The following TNPO2 variants were observed in gnomAD, a reference collection of about 807,000 sequenced individuals.
The protein encoded by TNPO2 is transportin-2.
A neutral mutation model predicts 111.1 loss-of-function variants in TNPO2; 16 were observed. The ratio of observed to expected loss-of-function variants is 0.14; its 90% CI spans 0.10 to 0.22. The LOEUF is 0.22. Among genes scored for constraint, TNPO2 ranks in the 10% least tolerant of loss-of-function variants. The probability of loss-of-function intolerance (pLI) is 1.00; values close to 1 mark genes in which losing one functional copy is unlikely to be tolerated. For missense variants in TNPO2, 530 were observed against 1,173.7 expected (o/e 0.45, Z 8.01); for synonymous variants, 481 against 475.8 (o/e 1.01, Z -0.14).
intron 3 of TNPO2, among the ~76,000 whole-genome samples, chr19:12,720,026 A>G (rs137894170): frequency 0.027 from 3,997 of 149,356 alleles, 174 homozygotes; most frequent in African/African-American, 0.093. Flanking sequence ...ATATTTATTT[A>G]TTTATTTTCA....
chr19:12,706,462 T>G lies in TNPO2; in HGVS notation c.1497-95A>C, dbSNP rs1469284990. On this transcript the variant is annotated intron_variant, in intron 14 of 25. Coordinates refer to ENST00000425528, the MANE Select transcript of TNPO2 (RefSeq NM_001382241.1). The surrounding 1 kb of genome is among the most constrained non-coding windows in gnomAD (Gnocchi z 7.0). ...GGGAGGGCAACTCAGGATCAGCCAG[T>G]ACGAATACGCGATAAATCAGTTCCA... is the stretch of plus-strand genomic sequence containing the variant. 1 of 1,576,178 alleles carries G rather than the reference T, an allele frequency of 6.3e-7. No homozygotes were observed. Among genetic ancestry groups the G allele is most frequent in the South Asian group, 1.1e-5 (1 of 90,208 alleles).
Position 12,715,690 on chromosome 19 carries a change from G to C in TNPO2, c.375C>G (p.Pro125=), listed in dbSNP as rs373012056. 5.5e-5 allele frequency: 89 copies of C among 1,613,382 alleles called. No homozygotes were observed. Among genetic ancestry groups the C allele is most frequent in the Non-Finnish European group, 7.0e-5 (82 of 1,179,772 alleles). The change falls in exon 6 of 26, where the codon CCC becomes CCG. Residue 125 remains proline, a synonymous_variant. Coordinates refer to ENST00000425528, the MANE Select transcript of TNPO2 (RefSeq NM_001382241.1). This position sits in a 1 kb window ranked among gnomAD's most constrained non-coding sequence, Gnocchi z 7.1. ...GGTTGCAGAGCTGGGGCAGCAGCTC[G>C]GGCCACATCTGCAGCTCACCCTTGG... ...IASKGELQMW[P]ELLPQLCNLL... is the part of the protein sequence containing the mutation.
Position 12,702,889 on chromosome 19 carries a change from C to T in TNPO2, c.2239G>A (p.Val747Ile). The change falls in exon 21 of 26, where the codon GTC (valine) becomes ATC (isoleucine). Residue 747 changes from valine to isoleucine, a missense_variant. This residue lies in a region of TNPO2 where 183 missense variants were observed against 481.0 expected (regional missense o/e 0.38). Coordinates refer to ENST00000425528, the MANE Select transcript of TNPO2 (RefSeq NM_001382241.1). The surrounding 1 kb of genome is among the most constrained non-coding windows in gnomAD (Gnocchi z 5.5). ...ATGATTTCCACCAGGTTGTTGAGGA[C>T]CATCTGCACATAAGGCTGCATCTCT... Reference protein sequence around the residue: ...GAEMQPYVQMVLNNLVEIINR... With the variant: ...GAEMQPYVQMILNNLVEIINR... The T allele has an allele frequency of 6.2e-7, 1 of 1,613,906 alleles. No homozygotes were observed. The highest frequency in any genetic ancestry group is 8.5e-7 in the Non-Finnish European group (1 of 1,179,818).
chr19:12,708,839 C>G (rs1237414386), intron 13 of TNPO2, among the ~76,000 whole-genome samples: 1 of 151,814 alleles, frequency 6.6e-6, no homozygotes, highest in Non-Finnish European at 1.5e-5. Context: ...CCATTGCACT[C>G]CAGCCTGGAC....
Position 12,711,401 on chromosome 19 carries a change from G to A in TNPO2, c.1012C>T (p.His338Tyr). The A allele has an allele frequency of 1.2e-6, 2 of 1,613,990 alleles. No homozygotes were observed. The highest frequency in any genetic ancestry group is 1.7e-6 in the Non-Finnish European group (2 of 1,179,894). ...DSEQDIKPRF[H>Y]KSRTVTLPHE... ...GGCAGTGTGACCGTGCGTGACTTGTGGAAGCGTGGCTTGATGTCCTGCTCA... is the reference window on the plus strand; with the variant it reads ...GGCAGTGTGACCGTGCGTGACTTGTAGAAGCGTGGCTTGATGTCCTGCTCA... The change falls in exon 12 of 26, where the codon CAC (histidine) becomes TAC (tyrosine). Residue 338 changes from histidine to tyrosine, a missense_variant. Physicochemically the swap from His to Tyr is moderately conservative, Grantham distance 83. Around this residue, in one of 4 missense-constraint regions of TNPO2, gnomAD observed 88 missense variants for 130.2 expected, o/e 0.68. Transcript: ENST00000425528.
intron 13 of TNPO2, among the ~76,000 whole-genome samples, chr19:12,707,172 T>C (rs914735841): frequency 1.3e-5 from 2 of 151,966 alleles, no homozygotes; most frequent in African/African-American, 4.8e-5. Context: ...GAATTTTTTA[T>C]ATTTTCAGTA....
rs201030914 is a variant in TNPO2 at position 12,706,524 on chromosome 19, T to C, written c.1496+46A>G. 3 of 1,599,686 alleles carry C rather than the reference T, an allele frequency of 1.9e-6. No homozygotes were observed. The South Asian group carries it at 3.3e-5, about 18-fold the overall frequency. On this transcript the variant is annotated intron_variant, in intron 14 of 25. Coordinates refer to ENST00000425528, the MANE Select transcript of TNPO2 (RefSeq NM_001382241.1). The surrounding 1 kb of genome is among the most constrained non-coding windows in gnomAD (Gnocchi z 7.0). ...ACAGGTGTCATCACTTCCCAGAGGGTGGCCGGGGGAGAGTGGGGGCTGTGG... is the reference window on the plus strand; with the variant it reads ...ACAGGTGTCATCACTTCCCAGAGGGCGGCCGGGGGAGAGTGGGGGCTGTGG...
chr19:12,704,417 C>T (rs905661718), intron 18 of TNPO2, among the ~76,000 whole-genome samples: 4 of 152,074 alleles, frequency 2.6e-5, no homozygotes, highest in Non-Finnish European at 4.4e-5. Context: ...TGCATATGCA[C>T]CTATGCACAT....
intron 3 of TNPO2, among the ~76,000 whole-genome samples, chr19:12,720,087 G>A (rs1340803088): frequency 6.6e-6 from 1 of 151,868 alleles, no homozygotes; most frequent in Non-Finnish European, 1.5e-5. Flanking sequence ...CACGATCTCC[G>A]CTCACTGCAA....
intron 13 of TNPO2, 69 bp downstream of exon 13, chr19:12,710,552 G>A: frequency 2.6e-6 from 4 of 1,546,770 alleles, no homozygotes; most frequent in South Asian, 1.2e-5. Context: ...AGGCATTGGT[G>A]TGGCTAGTAA....
chr19:12,706,055 G>A lies in TNPO2; in HGVS notation c.1668+141C>T, dbSNP rs1327447874. ...TTTCTCCCCCACTAGACTGGGAGCAGGGCGAGGGCGGGGCCGGGTCTGTCT... is the reference window on the plus strand; with the variant it reads ...TTTCTCCCCCACTAGACTGGGAGCAAGGCGAGGGCGGGGCCGGGTCTGTCT... On this transcript the variant is annotated intron_variant, in intron 15 of 25. Coordinates refer to ENST00000425528, the MANE Select transcript of TNPO2 (RefSeq NM_001382241.1). The surrounding 1 kb of genome is among the most constrained non-coding windows in gnomAD (Gnocchi z 7.0). The A allele has an allele frequency of 1.1e-6, 1 of 931,390 alleles. No homozygotes were observed. Among genetic ancestry groups the A allele is most frequent in the East Asian group, 2.6e-5 (1 of 37,868 alleles). The allele number at this position is 931,390 out of a possible 1,614,324, so 57.7% of individuals were successfully genotyped here. A position where few individuals can be genotyped will look rare whatever the true frequency, so the allele number is the denominator to read the frequency against.
chr19:12,720,775 A>G, intron 3 of TNPO2, 104 bp downstream of exon 3: 1 of 1,415,686 alleles, frequency 7.1e-7, no homozygotes, highest in Non-Finnish European at 9.3e-7. Context: ...ACAGCAGAAA[A>G]AATCTGGGGA....
rs1380651828 is a variant in TNPO2 at position 12,702,568 on chromosome 19, A to T, written c.2305+255T>A. On this transcript the variant is annotated intron_variant, in intron 21 of 25. Transcript: ENST00000425528. This position sits in a 1 kb window ranked among gnomAD's most constrained non-coding sequence, Gnocchi z 5.5. Reference sequence around the variant, plus strand: ...TTTTTAGTAGAGATGGGGTTTCACCATGTTGGCCAGGCTGGTCTCGAACTC... The same window carrying T: ...TTTTTAGTAGAGATGGGGTTTCACCTTGTTGGCCAGGCTGGTCTCGAACTC... 1 of 530,438 alleles carries T rather than the reference A, an allele frequency of 1.9e-6. No homozygotes were observed. The highest frequency in any genetic ancestry group is 3.1e-5 in the Admixed American group (1 of 31,840). 32.9% of individuals were successfully genotyped at this position (530,438 alleles called of 1,614,324 possible). A position where few individuals can be genotyped will look rare whatever the true frequency, so the allele number is the denominator to read the frequency against.
chr19:12,711,283 C>A lies in TNPO2; in HGVS notation c.1117+13G>T, dbSNP rs192602259. ...TTGCCACCCCACCACCACCCCCAGG[C>A]AGGGGCACACACTCAAATTCCAGTC... is the stretch of plus-strand genomic sequence containing the variant. On this transcript the variant is annotated intron_variant, in intron 12 of 25. Coordinates refer to ENST00000425528, the MANE Select transcript of TNPO2 (RefSeq NM_001382241.1). 1.4e-4 allele frequency: 232 copies of A among 1,609,826 alleles called. No homozygotes were observed. In the African/African-American group the frequency reaches 3.0e-3, roughly 21 times the overall value.
Position 12,706,892 on chromosome 19 carries a change from A to G in TNPO2, c.1271-97T>C, listed in dbSNP as rs1323983731. 2 of 1,028,334 alleles carry G rather than the reference A, an allele frequency of 1.9e-6. No homozygotes were observed. Among genetic ancestry groups the G allele is most frequent in the Admixed American group, 2.1e-5 (1 of 47,118 alleles). The allele number at this position is 1,028,334 out of a possible 1,614,324, so 63.7% of individuals were successfully genotyped here. ...TCAGCCGCACACAACATATAGGGAAACTGAGGCTTAGAGTTTAAATCACTG... is the reference window on the plus strand; with the variant it reads ...TCAGCCGCACACAACATATAGGGAAGCTGAGGCTTAGAGTTTAAATCACTG... On this transcript the variant is annotated intron_variant, in intron 13 of 25. Coordinates refer to ENST00000425528, the MANE Select transcript of TNPO2 (RefSeq NM_001382241.1). This position sits in a 1 kb window ranked among gnomAD's most constrained non-coding sequence, Gnocchi z 7.0.
chr19:12,704,849 A>C (rs1299590579), intron 18 of TNPO2, among the ~76,000 whole-genome samples: 1 of 151,776 alleles, frequency 6.6e-6, no homozygotes, highest in Non-Finnish European at 1.5e-5. Context: ...TGCCTGGCTA[A>C]TTTTTGTATT....
Position 12,702,381 on chromosome 19 carries a change from C to T in TNPO2, c.2306-204G>A. ...TCTTTCTTTCTTTCCTTTCCCTTTC[C>T]TTTTTGTTTTTTTTTGTTTTGTTTT... On this transcript the variant is annotated intron_variant, in intron 21 of 25. Transcript: ENST00000425528. This position sits in a 1 kb window ranked among gnomAD's most constrained non-coding sequence, Gnocchi z 5.5. 1.4e-6 allele frequency: 1 copy of T among 691,300 alleles called. No homozygotes were observed. Among genetic ancestry groups the T allele is most frequent in the Non-Finnish European group, 2.6e-6 (1 of 379,282 alleles). The allele number at this position is 691,300 out of a possible 1,614,324, so 42.8% of individuals were successfully genotyped here. A position where few individuals can be genotyped will look rare whatever the true frequency, so the allele number is the denominator to read the frequency against.
chr19:12,708,274 G>A (rs886572647), intron 13 of TNPO2, among the ~76,000 whole-genome samples: 1 of 152,072 alleles, frequency 6.6e-6, no homozygotes, highest in Non-Finnish European at 1.5e-5. Context: ...TAGGACTACA[G>A]GTATGCACCA....
Position 12,702,544 on chromosome 19 carries a change from T to C in TNPO2, c.2305+279A>G. On this transcript the variant is annotated intron_variant, in intron 21 of 25. Transcript: ENST00000425528. This position sits in a 1 kb window ranked among gnomAD's most constrained non-coding sequence, Gnocchi z 5.5. ...ATTACCCCCGGCTAATTTTTGTATT[T>C]TTTAGTAGAGATGGGGTTTCACCAT... 1 of 515,620 alleles carries C rather than the reference T, an allele frequency of 1.9e-6. No homozygotes were observed. The highest frequency in any genetic ancestry group is 2.0e-5 in the South Asian group (1 of 48,972). The allele number at this position is 515,620 out of a possible 1,614,324, so 31.9% of individuals were successfully genotyped here. A position where few individuals can be genotyped will look rare whatever the true frequency, so the allele number is the denominator to read the frequency against.
Sources: gnomAD v4.1 joint callset for allele counts (sites outside exome capture counted in the v4.1 genomes callset) on GRCh38, gnomAD v4.1.1 for gene constraint, gnomAD v4.1.1 regional missense constraint, Gnocchi (gnomAD v3.1) non-coding constraint, MANE v1.5 for transcripts, NCBI Gene and HGNC (gene_info 2026-07-23, HGNC 2026-07-21) for gene names.